The following ATP2B2 variants were observed in gnomAD, a reference collection of about 807,000 sequenced individuals.
The protein encoded by ATP2B2 is plasma membrane calcium-transporting ATPase 2.
A neutral mutation model predicts 120.0 loss-of-function variants in ATP2B2; 15 were observed. That is an observed-to-expected ratio of 0.12 (90% CI 0.08 to 0.19). The LOEUF (loss-of-function observed/expected upper bound fraction) is 0.19. Ranked by LOEUF, ATP2B2 falls within the 10% of genes least tolerant of loss-of-function variation. The probability of loss-of-function intolerance (pLI) is 1.00; values close to 1 mark genes in which losing one functional copy is unlikely to be tolerated. For missense variants in ATP2B2, 1,045 were observed against 1,719.8 expected, an observed-to-expected ratio of 0.61 and a Z score of 6.94; for synonymous variants, 694 against 700.3, an observed-to-expected ratio of 0.99 and a Z score of 0.14.
intron 1 of ATP2B2, among the ~76,000 whole-genome samples, chr3:10,489,892 G>A (rs910431036): frequency 6.6e-6 from 1 of 152,228 alleles, no homozygotes; most frequent in African/African-American, 2.4e-5. Context: ...CTGCAGCCCT[G>A]GGCTTAGCCG....
intron 1 of ATP2B2, among the ~76,000 whole-genome samples, chr3:10,689,328 T>C (rs1298325753): frequency 6.6e-6 from 1 of 152,146 alleles, no homozygotes; most frequent in Admixed American, 6.5e-5. Context: ...GAAGTGCCTC[T>C]CCACACCTTA....
chr3:10,420,412 A>C (rs1016076861), intron 2 of ATP2B2, among the ~76,000 whole-genome samples: 1 of 147,700 alleles, frequency 6.8e-6, no homozygotes, highest in Non-Finnish European at 1.5e-5. Context: ...TCCAGGCTGG[A>C]GTGCGATGGT....
At chr3:10,535,379 A>C (rs1460584035) in intron 2 of ATP2B2, among the ~76,000 whole-genome samples, 1 of 140,706 alleles carries the variant, frequency 7.1e-6, no homozygotes, top group Non-Finnish European at 1.5e-5. Flanking sequence ...TGCATGCAGC[A>C]GTTTGATGTG....
At chr3:10,600,908 T>G (rs1233047222) in intron 2 of ATP2B2, among the ~76,000 whole-genome samples, 1 of 151,754 alleles carries the variant, frequency 6.6e-6, no homozygotes, top group African/African-American at 2.4e-5. Flanking sequence ...GATGAAGTGT[T>G]TGGGGCAGGG....
At chr3:10,686,043 C>CTTTTTT (rs34073958) in intron 1 of ATP2B2, among the ~76,000 whole-genome samples, 235 of 93,134 alleles carry the variant, frequency 2.5e-3, no homozygotes, top group African/African-American at 4.7e-3. Context: ...TTCCTCCTTT[C>CTTTTTT]TTTTTTTTTT....
intron 1 of ATP2B2, among the ~76,000 whole-genome samples, chr3:10,681,089 C>T (rs557038547): frequency 5.3e-5 from 8 of 152,300 alleles, no homozygotes; most frequent in South Asian, 2.1e-4. Context: ...CCGCCATGAT[C>T]GTCAGCTTCC....
chr3:10,358,434 C>T (rs995869893), intron 14 of ATP2B2, among the ~76,000 whole-genome samples: 16 of 152,304 alleles, frequency 1.1e-4, no homozygotes, highest in South Asian at 2.1e-4. Context: ...CTGGACAGCT[C>T]GAGGACTGCC....
At chr3:10,330,472 A>T (rs1366937060) in intron 22 of ATP2B2, among the ~76,000 whole-genome samples, 2 of 152,222 alleles carry the variant, frequency 1.3e-5, no homozygotes, top group African/African-American at 2.4e-5. Flanking sequence ...GTCTGATGGG[A>T]CTTGGGACAA....
chr3:10,588,096 A>G (rs12485425), intron 2 of ATP2B2, among the ~76,000 whole-genome samples: 16,998 of 152,236 alleles, frequency 0.11, 973 homozygotes, highest in South Asian at 0.16. Flanking sequence ...CATTCATTCA[A>G]ATATTAGTTA....
Position 10,375,415 on chromosome 3 carries a change from C to G in ATP2B2, c.1416+15G>C. On this transcript the variant is annotated intron_variant, in intron 11 of 22. Transcript: ENST00000360273. The surrounding 1 kb of genome is among the most constrained non-coding windows in gnomAD (Gnocchi z 4.2). ...GCTGCATCAGCCGGCTGGTCCTGCT[C>G]TCCTCCCCTCTCACCTTCACCGAAT... is the stretch of plus-strand genomic sequence containing the variant. 1.2e-6 allele frequency: 2 copies of G among 1,605,628 alleles called. No individual in the cohort carries two copies. Among genetic ancestry groups the G allele is most frequent in the African/African-American group, 1.3e-5 (1 of 74,874 alleles).
chr3:10,527,170 G>T (rs2067113726), intron 3 of ATP2B2, among the ~76,000 whole-genome samples: 1 of 152,202 alleles, frequency 6.6e-6, no homozygotes, highest in South Asian at 2.1e-4. Flanking sequence ...TTTCCTTCCA[G>T]CATCAACCTT....
At chr3:10,389,046 G>A (rs964275533) in intron 5 of ATP2B2, among the ~76,000 whole-genome samples, 3 of 150,822 alleles carry the variant, frequency 2.0e-5, no homozygotes, top group Admixed American at 1.3e-4. Flanking sequence ...GAATAGGTGT[G>A]GCACATGATG....
upstream of ATP2B2, among the ~76,000 whole-genome samples, chr3:10,510,026 A>G (rs1179326550): frequency 5.3e-5 from 8 of 152,230 alleles, no homozygotes; most frequent in Non-Finnish European, 8.8e-5. Flanking sequence ...AGCAGGCCCC[A>G]GGGAAAATGC....
chr3:10,504,687 C>T (rs546128612), intron 1 of ATP2B2, among the ~76,000 whole-genome samples: 1 of 152,106 alleles, frequency 6.6e-6, no homozygotes, highest in Non-Finnish European at 1.5e-5. Flanking sequence ...AGGCCCCCTG[C>T]TGCATTTTCC....
chr3:10,359,559 TAA>T (rs1206503429), intron 13 of ATP2B2, among the ~76,000 whole-genome samples: 1 of 152,010 alleles, frequency 6.6e-6, no homozygotes. Flanking sequence ...GGAAATGAAA[TAA>T]GAGAGATCTA....
intron 1 of ATP2B2, among the ~76,000 whole-genome samples, chr3:10,693,430 A>C (rs2071699244): frequency 6.6e-6 from 1 of 152,226 alleles, no homozygotes. Context: ...GCAAGGAACA[A>C]AAAAGACAAA....
intron 2 of ATP2B2, among the ~76,000 whole-genome samples, chr3:10,588,748 T>A (rs1216006401): frequency 6.6e-6 from 1 of 152,104 alleles, no homozygotes; most frequent in Non-Finnish European, 1.5e-5. Context: ...TACCACAATC[T>A]TAAGAGGTAG....
chr3:10,332,701 G>A (rs953110184), intron 22 of ATP2B2, among the ~76,000 whole-genome samples: 3 of 152,236 alleles, frequency 2.0e-5, no homozygotes, highest in Non-Finnish European at 2.9e-5. Context: ...CCTGGGAAGC[G>A]GTGTGACTAG....
chr3:10,359,460 T>A (rs761417243), intron 13 of ATP2B2, among the ~76,000 whole-genome samples: 6 of 152,082 alleles, frequency 3.9e-5, no homozygotes, highest in Non-Finnish European at 7.4e-5. Context: ...ATTTGCTTAG[T>A]TCACCAGGCT....
Sources: gnomAD v4.1 joint callset for allele counts (sites outside exome capture counted in the v4.1 genomes callset) on GRCh38, gnomAD v4.1.1 for gene constraint, Gnocchi (gnomAD v3.1) non-coding constraint, MANE v1.5 for transcripts, NCBI Gene and HGNC (gene_info 2026-07-23, HGNC 2026-07-21) for gene names.